PRIM2: variants seen among roughly 807,000 people sequenced by gnomAD.
The protein encoded by PRIM2 is DNA primase subunit 2.
Under a neutral mutation model 67.3 loss-of-function variants are expected in PRIM2, and 39 were observed. That is an observed-to-expected ratio of 0.58 (90% CI 0.45 to 0.76). The LOEUF (loss-of-function observed/expected upper bound fraction) is 0.76, where lower values mean the gene tolerates loss of function less well. PRIM2 is among the 30% of genes least tolerant of loss of function. The probability of loss-of-function intolerance (pLI) is 0.00; values close to 1 mark genes in which losing one functional copy is unlikely to be tolerated. For synonymous variants in PRIM2, 143 were observed against 198.7 expected, an observed-to-expected ratio of 0.72 and a Z score of 2.36; for missense variants, 398 against 598.7, an observed-to-expected ratio of 0.66 and a Z score of 3.50.
chr6:57,563,994 A>G (rs1775689244), intron 10 of PRIM2, among the ~76,000 whole-genome samples: 1 of 152,218 alleles, frequency 6.6e-6, no homozygotes, highest in Non-Finnish European at 1.5e-5. Flanking sequence ...GAATTTCCCA[A>G]CTATGTAGAC....
At chr6:57,501,086 G>A (rs1774120488) in intron 7 of PRIM2, among the ~76,000 whole-genome samples, 1 of 152,014 alleles carries the variant, frequency 6.6e-6, no homozygotes, top group African/African-American at 2.4e-5. Flanking sequence ...TACCCCACTT[G>A]TTAAAAAGTG....
the PRIM2 span, among the ~76,000 whole-genome samples, chr6:57,292,040 A>C: frequency 6.6e-6 from 1 of 152,160 alleles, no homozygotes; most frequent in Non-Finnish European, 1.5e-5. Flanking sequence ...CAAATAGGAA[A>C]AGAGGAAGTC....
At chr6:57,287,936 C>A in the PRIM2 span, among the ~76,000 whole-genome samples, 1,521 of 152,208 alleles carry the variant, frequency 1.0e-2, 31 homozygotes, top group African/African-American at 0.035. Flanking sequence ...ATGGTGGGTG[C>A]AGCCCACGGA....
intron 5 of PRIM2, among the ~76,000 whole-genome samples, chr6:57,356,085 T>G (rs1211675159): frequency 5.3e-5 from 8 of 152,144 alleles, no homozygotes; most frequent in Admixed American, 2.0e-4. Flanking sequence ...TGCATCAAGA[T>G]CAAGGGTAGT....
intron 7 of PRIM2, among the ~76,000 whole-genome samples, chr6:57,488,046 G>T (rs1488774064): frequency 2.0e-5 from 3 of 152,168 alleles, no homozygotes; most frequent in Non-Finnish European, 2.9e-5. Context: ...ACTAAGGAAT[G>T]AATTAAAGGT....
intron 12 of PRIM2, among the ~76,000 whole-genome samples, chr6:57,614,620 G>T (rs1447684808): frequency 6.6e-6 from 1 of 152,122 alleles, no homozygotes; most frequent in Non-Finnish European, 1.5e-5. Context: ...GGAGGCCGAA[G>T]CGGGCAGATC....
the PRIM2 span, among the ~76,000 whole-genome samples, chr6:57,305,712 A>T: frequency 2.0e-5 from 3 of 152,220 alleles, no homozygotes; most frequent in Admixed American, 2.0e-4. Flanking sequence ...CACAAATAAG[A>T]TGATTCTGGG....
intron 7 of PRIM2, among the ~76,000 whole-genome samples, chr6:57,493,238 A>C (rs2127410951): frequency 6.6e-6 from 1 of 152,122 alleles, no homozygotes; most frequent in East Asian, 1.9e-4. Flanking sequence ...CTGCAGCTAG[A>C]ATGTTGGTGA....
intron 8 of PRIM2, among the ~76,000 whole-genome samples, chr6:57,523,613 T>G (rs2127465083): frequency 6.6e-6 from 1 of 152,326 alleles, no homozygotes; most frequent in South Asian, 2.1e-4. Flanking sequence ...AGTAATGCCC[T>G]GTGGCATTTA....
chr6:57,568,161 G>GT (rs1205432123), intron 10 of PRIM2, among the ~76,000 whole-genome samples: 1 of 152,140 alleles, frequency 6.6e-6, no homozygotes, highest in African/African-American at 2.4e-5. Context: ...AATTTGCCCA[G>GT]TATTTGAAAA....
At chr6:57,602,800 CAT>C (rs1776493617) in intron 11 of PRIM2, among the ~76,000 whole-genome samples, 1 of 152,182 alleles carries the variant, frequency 6.6e-6, no homozygotes, top group Non-Finnish European at 1.5e-5. Flanking sequence ...TCAATGAACT[CAT>C]TATCTGTTGG....
chr6:57,362,665 A>G (rs1021940826), intron 5 of PRIM2, among the ~76,000 whole-genome samples: 3 of 151,890 alleles, frequency 2.0e-5, no homozygotes, highest in Non-Finnish European at 4.4e-5. Context: ...AAAATGGGAA[A>G]GGGAAATTAC....
the PRIM2 span, among the ~76,000 whole-genome samples, chr6:57,307,135 G>C: frequency 3.9e-5 from 6 of 151,946 alleles, no homozygotes; most frequent in African/African-American, 1.4e-4. Context: ...GGAGGCACAG[G>C]TTGCAGTGAG....
At chr6:57,412,944 T>G (rs1771140261) in intron 7 of PRIM2, among the ~76,000 whole-genome samples, 1 of 152,170 alleles carries the variant, frequency 6.6e-6, no homozygotes, top group Admixed American at 6.5e-5. Context: ...AACCATAGTC[T>G]TATCTTCTCC....
intron 10 of PRIM2, among the ~76,000 whole-genome samples, chr6:57,574,459 A>C (rs1421913766): frequency 1.3e-5 from 2 of 152,304 alleles, no homozygotes; most frequent in Non-Finnish European, 1.5e-5. Flanking sequence ...GACCTGGACA[A>C]CTCACGATCA....
the PRIM2 span, among the ~76,000 whole-genome samples, chr6:57,306,678 A>G: frequency 2.0e-5 from 3 of 152,130 alleles, no homozygotes; most frequent in African/African-American, 7.2e-5. Context: ...AGCCTCTATT[A>G]CAATATTAGA....
At chr6:57,626,027 T>G (rs1352050987) in intron 12 of PRIM2, among the ~76,000 whole-genome samples, 4,071 of 152,328 alleles carry the variant, frequency 0.027, 84 homozygotes, top group Non-Finnish European at 0.041. Flanking sequence ...TTTGAAAGAT[T>G]GAGTTTTTTA....
At chr6:57,221,753 C>G in the PRIM2 span, 1 of 152,332 alleles carries the variant, frequency 6.6e-6, no homozygotes, top group South Asian at 2.1e-4. Flanking sequence ...GGGCGCCGGG[C>G]TGGCGCTGCC....
intron 5 of PRIM2, among the ~76,000 whole-genome samples, chr6:57,373,760 A>G (rs1581839363): frequency 6.6e-6 from 1 of 152,196 alleles, no homozygotes; most frequent in East Asian, 1.9e-4. Flanking sequence ...TGTTGTAGGC[A>G]TGCAGTCTTA....
Sources: gnomAD v4.1 joint callset for allele counts (sites outside exome capture counted in the v4.1 genomes callset) on GRCh38, gnomAD v4.1.1 for gene constraint, MANE v1.5 for transcripts, NCBI Gene and HGNC (gene_info 2026-07-23, HGNC 2026-07-21) for gene names.